LAMA4: variants seen among roughly 807,000 people sequenced by gnomAD.
The protein encoded by LAMA4 is laminin subunit alpha-4.
LAMA4 carries 127 observed loss-of-function variants against 207.1 expected under a neutral mutation model. The observed-to-expected ratio is 0.61, with a 90% CI of 0.53 to 0.71. The LOEUF (loss-of-function observed/expected upper bound fraction) is 0.71. Among genes scored for constraint, LAMA4 ranks in the 30% least tolerant of loss-of-function variants. The pLI, the probability that LAMA4 is intolerant of heterozygous loss-of-function variation, is 0.00. For missense variants in LAMA4, 2,093 were observed against 2,246.5 expected (o/e 0.93, Z 1.38); for synonymous variants, 761 against 816.0 (o/e 0.93, Z 1.15).
At chr6:112,119,790 A>G (rs1240426526) in intron 33 of LAMA4, among the ~76,000 whole-genome samples, 4 of 152,188 alleles carry the variant, frequency 2.6e-5, no homozygotes, top group Admixed American at 2.6e-4. Context: ...AGAACAGGCC[A>G]TATGTTCTCT....
At position 112,190,938 on chromosome 6, in the gene LAMA4, T is replaced by TCCTTC. The variant is rs11393305; in HGVS notation, c.718+697_718+698insGAAGG. On this transcript the variant is annotated intron_variant, in intron 6 of 38. Coordinates refer to ENST00000230538, the MANE Select transcript of LAMA4 (RefSeq NM_001105206.3). The stretch of plus-strand genomic sequence containing the variant: ...TTCTTTCTTTCTTTCTTTCTTTCTT[T>TCCTTC]CTTTCTTTCCTTTCTTTCTTTCTTT... Among the ~76,000 whole-genome samples, 72 of 59,958 alleles carry TCCTTC rather than the reference T, an allele frequency of 1.2e-3. 1 individual carries two copies. Among genetic ancestry groups the TCCTTC allele is most frequent in the Non-Finnish European group, 1.8e-3 (53 of 30,126 alleles). The allele number at this position is 59,958 out of a possible 152,430, so 39.3% of individuals were successfully genotyped here. A position where few individuals can be genotyped will look rare whatever the true frequency, so the allele number is the denominator to read the frequency against.
At chr6:112,228,960 A>C (rs782033508) in intron 2 of LAMA4, among the ~76,000 whole-genome samples, 22 of 152,154 alleles carry the variant, frequency 1.4e-4, no homozygotes, top group African/African-American at 2.4e-5. Context: ...TCTGGGGACT[A>C]TTCAGTGGTC....
chr6:112,150,622 C>T lies in LAMA4; in HGVS notation c.2062G>A (p.Asp688Asn). ...ELQAKAESSS[D>N]EAVADTSRRV... ...CTGCTAGTGTCAGCCACTGCTTCATCACTGCCTGTGGAAGAGCAGCAGAAA... is the reference window on the plus strand; with the variant it reads ...CTGCTAGTGTCAGCCACTGCTTCATTACTGCCTGTGGAAGAGCAGCAGAAA... Residue 688 changes from aspartate (D) to asparagine (N), a missense_variant, in exon 17 of 39, where the codon GAT (aspartate) becomes AAT (asparagine). This residue lies in a region of LAMA4 where 1,704 missense variants were observed against 1,788.4 expected (regional missense o/e 0.95). Transcript: ENST00000230538. The T allele has an allele frequency of 6.2e-7, 1 of 1,612,326 alleles. No homozygotes were observed. The highest frequency in any genetic ancestry group is 8.5e-7 in the Non-Finnish European group (1 of 1,178,306).
At chr6:112,127,578 G>T (rs1554328065) in intron 31 of LAMA4, among the ~76,000 whole-genome samples, 1 of 152,124 alleles carries the variant, frequency 6.6e-6, no homozygotes, top group Non-Finnish European at 1.5e-5. Flanking sequence ...ATCACATAGG[G>T]CCTCTTACAA....
At position 112,172,634 on chromosome 6, in the gene LAMA4, C is replaced by T; in HGVS notation, c.1528G>A (p.Ala510Thr). ...ACCTCATGGTCCCGCTGCCTGGCTG[C>T]TGTGGCCCTGTTCATGTCTTCGGCA... is the stretch of plus-strand genomic sequence containing the variant. The part of the protein sequence containing the change: ...RDAEDMNRAT[A>T]ARQRDHEKQQ... Residue 510 changes from alanine to threonine, a missense_variant, in exon 12 of 39, where the codon GCA becomes ACA. By Grantham distance (58) the Ala-to-Thr change is moderately conservative. This residue lies in a region of LAMA4 where 1,704 missense variants were observed against 1,788.4 expected (regional missense o/e 0.95). Coordinates refer to ENST00000230538, the MANE Select transcript of LAMA4 (RefSeq NM_001105206.3). 1.2e-6 allele frequency: 2 copies of T among 1,613,040 alleles called. No individual in the cohort carries two copies. The highest frequency in any genetic ancestry group is 1.7e-6 in the Non-Finnish European group (2 of 1,180,006).
chr6:112,202,165 G>T (rs1055930503), intron 4 of LAMA4, among the ~76,000 whole-genome samples: 1 of 152,112 alleles, frequency 6.6e-6, no homozygotes, highest in Non-Finnish European at 1.5e-5. Flanking sequence ...TGGAAATAAG[G>T]TTGCTGAGAC....
At chr6:112,155,095 A>G in intron 15 of LAMA4, 148 bp from the exon 16 acceptor site, 1 of 705,320 alleles carries the variant, frequency 1.4e-6, no homozygotes, top group East Asian at 2.6e-5. Context: ...TTAAGGTCAA[A>G]TATGTGACCA....
intron 17 of LAMA4, 127 bp downstream of exon 17, chr6:112,150,384 G>A (rs1480854513): frequency 5.1e-6 from 4 of 788,370 alleles, no homozygotes; most frequent in Non-Finnish European, 9.2e-6. Flanking sequence ...AACGTATTTT[G>A]TCATCAGAAA....
At chr6:112,214,447 G>A (rs1315894222) in intron 3 of LAMA4, among the ~76,000 whole-genome samples, 1 of 151,966 alleles carries the variant, frequency 6.6e-6, no homozygotes, top group Non-Finnish European at 1.5e-5. Context: ...CGCTCTGGGG[G>A]ATAGGAATGT....
At chr6:112,139,657 G>T in intron 23 of LAMA4, 95 bp downstream of exon 23, 2 of 1,489,808 alleles carry the variant, frequency 1.3e-6, no homozygotes, top group Non-Finnish European at 9.4e-7. Flanking sequence ...CTTCCCCAAA[G>T]AAAAGTTTGA....
chr6:112,142,182 A>G lies in LAMA4; in HGVS notation c.2604T>C (p.Pro868=). The change falls in exon 20 of 39, where the codon CCT becomes CCC. Residue 868 remains proline (P), a synonymous_variant. Coordinates refer to ENST00000230538, the MANE Select transcript of LAMA4 (RefSeq NM_001105206.3). The part of the protein sequence containing the change: ...FTSLSLYMKP[P]VKRPELTETA... ...TCTCGGTCAGTTCCGGCCGCTTCAC[A>G]GGGGGTTTCATGTACAGGCTCAGAG... 1.2e-6 allele frequency: 2 copies of G among 1,614,110 alleles called. No homozygotes were observed. Among genetic ancestry groups the G allele is most frequent in the Non-Finnish European group, 1.7e-6 (2 of 1,180,016 alleles).
rs1554336774 is a variant in LAMA4, at chr6:112,155,665, G to A, written c.1859C>T (p.Ala620Val). 6.2e-7 allele frequency: 1 copy of A among 1,614,034 alleles called. No individual in the cohort carries two copies. The highest frequency in any genetic ancestry group is 1.1e-5 in the South Asian group (1 of 91,082). Residue 620 changes from alanine (A) to valine (V), a missense_variant, in exon 15 of 39, where the codon GCT becomes GTT. Coordinates refer to ENST00000230538, the MANE Select transcript of LAMA4 (RefSeq NM_001105206.3). ...SSDMNGLVQK[A>V]LDASNVYENI... ...TTCATAGACATTTGATGCATCCAAAGCCTTCTGTACCAGCCCGTTCATATC... is the reference window on the plus strand; with the variant it reads ...TTCATAGACATTTGATGCATCCAAAACCTTCTGTACCAGCCCGTTCATATC...
chr6:112,189,034 C>T (rs1301361782), intron 7 of LAMA4, 76 bp downstream of exon 7: 10 of 1,074,872 alleles, frequency 9.3e-6, no homozygotes, highest in Non-Finnish European at 1.4e-5. Flanking sequence ...AGTGATATTG[C>T]ATAGCTTTTC....
chr6:112,155,991 T>C (rs1460241225), intron 14 of LAMA4, among the ~76,000 whole-genome samples: 1 of 152,174 alleles, frequency 6.6e-6, no homozygotes, highest in East Asian at 1.9e-4. Flanking sequence ...TTGCAGGAGT[T>C]TGTTTATGTG....
At chr6:112,114,240 T>G (rs776325910) in intron 37 of LAMA4, 45 bp from the exon 38 acceptor site, 71 of 1,552,302 alleles carry the variant, frequency 4.6e-5, no homozygotes, top group Non-Finnish European at 5.9e-5. Flanking sequence ...ACTGGAGTGA[T>G]GAATTTTTAA....
chr6:112,224,360 C>T (rs1562752935), intron 2 of LAMA4, among the ~76,000 whole-genome samples: 1 of 152,176 alleles, frequency 6.6e-6, no homozygotes, highest in African/African-American at 2.4e-5. Flanking sequence ...TTGTCTGCCT[C>T]CCCTTTATTT....
chr6:112,187,410 A>G (rs1468558561), intron 8 of LAMA4, 40 bp downstream of exon 8: 3 of 1,613,268 alleles, frequency 1.9e-6, no homozygotes, highest in East Asian at 4.5e-5. Flanking sequence ...CTGTGAAGCC[A>G]GGATGAAAAC....
At chr6:112,155,734 T>C in intron 14 of LAMA4, 28 bp from the exon 15 acceptor site, 1 of 1,612,484 alleles carries the variant, frequency 6.2e-7, no homozygotes, top group Non-Finnish European at 8.5e-7. Flanking sequence ...TTGTTATTTC[T>C]CCTTCTTACC....
Position 112,120,418 on chromosome 6 carries a change from A to G in LAMA4, c.4530T>C (p.Tyr1510=), listed in dbSNP as rs1210974009. 2 of 1,613,844 alleles carry G rather than the reference A, an allele frequency of 1.2e-6. No individual in the cohort carries two copies. The highest frequency in any genetic ancestry group is 2.2e-5 in the East Asian group (1 of 44,860). Residue 1510 remains tyrosine (Y), a synonymous_variant, in exon 33 of 39, where the codon TAT becomes TAC. Transcript: ENST00000230538. The part of the protein sequence containing the change: ...RTRSSHGMIF[Y]VSDQEENDFM... ...AGTCATTCTCTTCTTGATCTGAGAC[A>G]TAGAAGATCATGCCATGGGAGGAAC...
Sources: allele counts gnomAD v4.1 joint callset (sites outside exome capture counted in the v4.1 genomes callset), GRCh38; gene constraint gnomAD v4.1.1; regional missense constraint gnomAD v4.1.1; transcripts MANE v1.5; gene names NCBI Gene and HGNC (gene_info 2026-07-23, HGNC 2026-07-21).